The following DLGAP1 variants were observed in gnomAD, a reference collection of about 807,000 sequenced individuals.
DLGAP1 encodes DLG associated protein 1, also known as disks large-associated protein 1.
DLGAP1 carries 11 observed loss-of-function variants against 90.8 expected under a neutral mutation model. That is an observed-to-expected ratio of 0.12 (90% CI 0.08 to 0.20). The LOEUF is 0.20. Among genes scored for constraint, DLGAP1 ranks in the 10% least tolerant of loss-of-function variants. DLGAP1 has a pLI of 1.00. For synonymous variants in DLGAP1, 558 were observed against 540.7 expected, an observed-to-expected ratio of 1.03 and a Z score of -0.44; for missense variants, 1,050 against 1,333.8, an observed-to-expected ratio of 0.79 and a Z score of 3.31.
rs537522624 is a variant in DLGAP1 at position 3,744,311 on chromosome 18, C to T, written c.1173-1799G>A. Among the ~76,000 whole-genome samples, 82 of 151,936 alleles carry T rather than the reference C, an allele frequency of 5.4e-4. No homozygotes were observed. In the South Asian group the frequency reaches 8.1e-3, roughly 15 times the overall value. ...AATACATAAATTAACAGCTTTTCCA[C>T]GTAACATCAAATAAAATTTTAATGA... is the stretch of plus-strand genomic sequence containing the variant. On this transcript the variant is annotated intron_variant, in intron 5 of 12. Coordinates refer to ENST00000315677, the MANE Select transcript of DLGAP1 (RefSeq NM_004746.4).
In DLGAP1 at chr18:3,879,920, C is replaced by T. The variant is rs757416282; in HGVS notation, c.149G>A (p.Arg50Gln). Residue 50 changes from arginine to glutamine, a missense_variant, in exon 4 of 13, where the codon CGG becomes CAG. By Grantham distance (43) the Arg-to-Gln change is conservative (BLOSUM62 1). Around this residue, in one of 2 missense-constraint regions of DLGAP1, gnomAD observed 485 missense variants for 454.1 expected, o/e 1.07. Transcript: ENST00000315677. This position sits in a 1 kb window ranked among gnomAD's most constrained non-coding sequence, Gnocchi z 6.6. ...CACGCACTCAGCCTGGAAGGAGTTC[C>T]GCTGGGTGTAGTATGGGTGGTCTGC... ...HPADHPYYTQ[R>Q]NSFQAECVGP... is the part of the protein sequence containing the mutation. The T allele has an allele frequency of 2.0e-5, 33 of 1,612,808 alleles. No homozygotes were observed. Among genetic ancestry groups the T allele is most frequent in the Middle Eastern group, 1.7e-4 (1 of 6,052 alleles).
rs376258214 is a variant in DLGAP1, at chr18:3,696,958, T to A, written c.1591+32177A>T. The stretch of plus-strand genomic sequence containing the variant: ...ATGTGTCTAGGAATTTATCAGTTTC[T>A]TCTAGATTTTCTAGTTTATTTGCGT... On this transcript the variant is annotated intron_variant, in intron 7 of 12. Transcript: ENST00000315677. 1.5e-4 allele frequency among the ~76,000 whole-genome samples: 23 copies of A among 152,368 alleles called. 1 individual carries two copies. Among genetic ancestry groups the A allele is most frequent in the African/African-American group, 5.5e-4 (23 of 41,594 alleles).
chr18:3,580,738 C>A (rs1234764770), intron 8 of DLGAP1: 1 of 1,613,480 alleles, frequency 6.2e-7, no homozygotes, highest in Non-Finnish European at 8.5e-7. Context: ...AGGACAGCCA[C>A]GCACCATCCC....
At chr18:3,887,454 G>C (rs11875190) in intron 3 of DLGAP1, among the ~76,000 whole-genome samples, 7,153 of 152,146 alleles carry the variant, frequency 0.047, 447 homozygotes, top group African/African-American at 0.14. Context: ...GTGGGGAGGG[G>C]CAAAAAGATC....
intron 1 of DLGAP1, among the ~76,000 whole-genome samples, chr18:4,427,089 A>G (rs1055278880): frequency 6.1e-4 from 93 of 152,344 alleles, no homozygotes; most frequent in African/African-American, 2.1e-3. Context: ...AAAACTAAGA[A>G]AGAAAACTTT....
Position 4,305,354 on chromosome 18 carries a change from G to T in DLGAP1, c.-267+149652C>A, listed in dbSNP as rs1258310785. Among the ~76,000 whole-genome samples the T allele has an allele frequency of 2.0e-5, 3 of 151,990 alleles. No homozygotes were observed. In the South Asian group the frequency reaches 6.2e-4, roughly 32 times the overall value. On this transcript the variant is annotated intron_variant, in intron 1 of 12. Transcript: ENST00000315677. ...GTTTAAGACCAGCTTGACCAACGTGGTGAAACCCTGTCTCTACTAAAAATA... is the reference window on the plus strand; with the variant it reads ...GTTTAAGACCAGCTTGACCAACGTGTTGAAACCCTGTCTCTACTAAAAATA...
intron 1 of DLGAP1, among the ~76,000 whole-genome samples, chr18:4,235,488 TA>T (rs1231113382): frequency 2.0e-5 from 3 of 152,070 alleles, no homozygotes; most frequent in Non-Finnish European, 4.4e-5. Flanking sequence ...TCCATGAAAT[TA>T]TCTAAGCTTT....
intron 1 of DLGAP1, among the ~76,000 whole-genome samples, chr18:4,433,096 C>T (rs1007145071): frequency 3.3e-5 from 5 of 152,082 alleles, no homozygotes; most frequent in Non-Finnish European, 5.9e-5. Context: ...CAGTTCAAGC[C>T]GAGATTTGAC....
intron 4 of DLGAP1, among the ~76,000 whole-genome samples, chr18:3,826,930 C>T (rs924884327): frequency 2.0e-5 from 3 of 152,022 alleles, no homozygotes; most frequent in Non-Finnish European, 4.4e-5. Flanking sequence ...GGTTTGCTAA[C>T]GATGATCTGG....
chr18:4,398,049 T>A (rs2082475804), intron 1 of DLGAP1, among the ~76,000 whole-genome samples: 1 of 152,222 alleles, frequency 6.6e-6, no homozygotes, highest in African/African-American at 2.4e-5. Context: ...TGTACTCAGA[T>A]GTGTATTGTT....
intron 2 of DLGAP1, among the ~76,000 whole-genome samples, chr18:4,051,008 T>C (rs955076051): frequency 6.6e-6 from 1 of 152,234 alleles, no homozygotes; most frequent in Non-Finnish European, 1.5e-5. Context: ...AATGTGTTGT[T>C]ATATGTCACT....
At chr18:4,411,196 A>C (rs908945290) in intron 1 of DLGAP1, among the ~76,000 whole-genome samples, 1 of 152,142 alleles carries the variant, frequency 6.6e-6, no homozygotes, top group Non-Finnish European at 1.5e-5. Flanking sequence ...TGAGTTTCAC[A>C]GTCTGTTTCC....
At chr18:3,682,620 G>T (rs2060560464) in intron 7 of DLGAP1, among the ~76,000 whole-genome samples, 1 of 152,152 alleles carries the variant, frequency 6.6e-6, no homozygotes, top group Admixed American at 6.5e-5. Context: ...AAGGTGTTTG[G>T]CTATGGTTAA....
chr18:4,258,082 G>A (rs551858199), intron 1 of DLGAP1, among the ~76,000 whole-genome samples: 1 of 151,630 alleles, frequency 6.6e-6, no homozygotes, highest in African/African-American at 2.4e-5. Flanking sequence ...GCTTGGATAA[G>A]CATGGGACTC....
At chr18:4,368,442 A>C (rs2081828565) in intron 1 of DLGAP1, among the ~76,000 whole-genome samples, 1 of 152,164 alleles carries the variant, frequency 6.6e-6, no homozygotes, top group African/African-American at 2.4e-5. Context: ...GACCTCATCG[A>C]ATCAGTAGAA....
At chr18:4,188,778 G>A (rs1011951949) in intron 1 of DLGAP1, among the ~76,000 whole-genome samples, 18 of 152,058 alleles carry the variant, frequency 1.2e-4, no homozygotes, top group Non-Finnish European at 2.4e-4. Flanking sequence ...ATAAACATAC[G>A]TGTGCATGTG....
intron 3 of DLGAP1, among the ~76,000 whole-genome samples, chr18:3,907,428 A>G (rs1228349523): frequency 6.6e-6 from 1 of 152,212 alleles, no homozygotes; most frequent in East Asian, 1.9e-4. Flanking sequence ...TGGTGTGGCA[A>G]TAGAAATACC....
At chr18:4,219,879 A>G (rs534130396) in intron 1 of DLGAP1, among the ~76,000 whole-genome samples, 1 of 152,188 alleles carries the variant, frequency 6.6e-6, no homozygotes, top group South Asian at 2.1e-4. Flanking sequence ...TTTGATTAAT[A>G]CATCTTTGTA....
intron 1 of DLGAP1, among the ~76,000 whole-genome samples, chr18:4,272,186 C>T (rs950806885): frequency 6.6e-6 from 1 of 152,144 alleles, no homozygotes. Flanking sequence ...CTTCTTAGAA[C>T]TGCGTAATTC....
Sources: allele counts gnomAD v4.1 joint callset (sites outside exome capture counted in the v4.1 genomes callset), GRCh38; gene constraint gnomAD v4.1.1; regional missense constraint gnomAD v4.1.1; non-coding constraint Gnocchi (gnomAD v3.1); transcripts MANE v1.5; gene names NCBI Gene and HGNC (gene_info 2026-07-23, HGNC 2026-07-21).